The following GLE1 variants were observed in gnomAD, a reference collection of about 807,000 sequenced individuals.
GLE1 encodes GLE1 RNA export mediator.
Under a neutral mutation model 97.3 loss-of-function variants are expected in GLE1, and 78 were observed. The ratio of observed to expected loss-of-function variants is 0.80; its 90% confidence interval spans 0.67 to 0.97. GLE1 has a LOEUF of 0.97. Ranked by LOEUF, GLE1 falls within the 50% of genes least tolerant of loss-of-function variation. The pLI, the probability that GLE1 is intolerant of heterozygous loss-of-function variation, is 0.00. For synonymous variants in GLE1, 302 were observed against 313.4 expected, an observed-to-expected ratio of 0.96 and a Z score of 0.39; for missense variants, 753 against 857.5, an observed-to-expected ratio of 0.88 and a Z score of 1.52.
rs754433921 is a variant in GLE1 at position 128,527,202 on chromosome 9, A to G, written c.1153A>G (p.Ile385Val). 2.6e-5 allele frequency: 42 copies of G among 1,605,558 alleles called. No individual in the cohort carries two copies. The highest frequency in any genetic ancestry group is 3.6e-5 in the Non-Finnish European group (42 of 1,172,200). ...NEDLQVKVQDITMQWYQQLQD... is the reference protein window; with the variant it reads ...NEDLQVKVQDVTMQWYQQLQD... ...AGACCTCCAGGTGAAGGTACAAGAC[A>G]TTACAATGCAGTGGTACCAGCAGCT... The change falls in exon 8 of 16, where the codon ATT (isoleucine) becomes GTT (valine). Residue 385 changes from isoleucine to valine, a missense_variant. Ile to Val is a conservative substitution (Grantham distance 29). Transcript: ENST00000309971.
chr9:128,506,902 A>C (rs1846654936), intron 1 of GLE1, among the ~76,000 whole-genome samples: 1 of 152,150 alleles, frequency 6.6e-6, no homozygotes, highest in Non-Finnish European at 1.5e-5. Context: ...TGTTATTCTC[A>C]ATATGTTTAC....
rs558886131 is a variant in GLE1, at chr9:128,513,694, G to C, written c.322-1835G>C. Reference sequence around the variant, plus strand: ...ACTGTATGCCAGCACGGGTGATAGAGTAAGACCCTGTCTCAAAAAAAAAAA... The same window carrying C: ...ACTGTATGCCAGCACGGGTGATAGACTAAGACCCTGTCTCAAAAAAAAAAA... On this transcript the variant is annotated intron_variant, in intron 2 of 15. Coordinates refer to ENST00000309971, the MANE Select transcript of GLE1 (RefSeq NM_001003722.2). 1.3e-4 allele frequency among the ~76,000 whole-genome samples: 19 copies of C among 149,330 alleles called. 1 individual carries two copies. The highest frequency in any genetic ancestry group is 2.4e-4 in the Non-Finnish European group (16 of 67,472).
rs777075541 is a variant in GLE1 at position 128,533,810 on chromosome 9, T to C, written c.1505T>C (p.Ile502Thr). ...TCTCACCATGAAGCAGCATTCCCCATTGCAGTTGTGGCATCCGGGATCTGG... is the reference window on the plus strand; with the variant it reads ...TCTCACCATGAAGCAGCATTCCCCACTGCAGTTGTGGCATCCGGGATCTGG... ...VASHHEAAFP[I>T]AVVASGIWEL... The change falls in exon 11 of 16, where the codon ATT becomes ACT. Residue 502 changes from isoleucine to threonine, a missense_variant. Physicochemically the swap from Ile to Thr is moderately conservative, Grantham distance 89. Transcript: ENST00000309971. 1 of 1,614,130 alleles carries C rather than the reference T, an allele frequency of 6.2e-7. No individual in the cohort carries two copies. Among genetic ancestry groups the C allele is most frequent in the South Asian group, 1.1e-5 (1 of 91,082 alleles).
At chr9:128,515,815 G>T (rs925878250) in intron 3 of GLE1, among the ~76,000 whole-genome samples, 176 bp downstream of exon 3, 3 of 152,174 alleles carry the variant, frequency 2.0e-5, no homozygotes, top group Non-Finnish European at 2.9e-5. Flanking sequence ...TCTGGTTTCA[G>T]ATCCTGGCTG....
intron 9 of GLE1, among the ~76,000 whole-genome samples, chr9:128,532,354 T>A (rs1012274665): frequency 4.0e-5 from 6 of 150,684 alleles, no homozygotes; most frequent in African/African-American, 1.5e-4. Flanking sequence ...CCTCCCCGAG[T>A]AGCTGGGATT....
chr9:128,538,322 G>A (rs892978643), intron 13 of GLE1, among the ~76,000 whole-genome samples: 3 of 152,080 alleles, frequency 2.0e-5, no homozygotes, highest in African/African-American at 7.2e-5. Flanking sequence ...ACAGAAAATT[G>A]TACATTCTAG....
At chr9:128,526,503 T>G (rs1234835930) in intron 7 of GLE1, among the ~76,000 whole-genome samples, 1 of 152,038 alleles carries the variant, frequency 6.6e-6, no homozygotes, top group African/African-American at 2.4e-5. Context: ...ATTACAGGCA[T>G]GCACCACCAC....
intron 14 of GLE1, 88 bp from the exon 15 acceptor site, chr9:128,540,187 C>A: frequency 1.1e-6 from 1 of 933,934 alleles, no homozygotes; most frequent in Non-Finnish European, 1.8e-6. Flanking sequence ...CCGCGCTGCA[C>A]TCCAGCCTAG....
At chr9:128,529,360 C>T (rs1362284650) in intron 9 of GLE1, among the ~76,000 whole-genome samples, 1 of 152,154 alleles carries the variant, frequency 6.6e-6, no homozygotes, top group Non-Finnish European at 1.5e-5. Flanking sequence ...CTGGATGAGG[C>T]GTCCTTGCTG....
At chr9:128,515,903 G>A (rs1846972329) in intron 3 of GLE1, among the ~76,000 whole-genome samples, 1 of 151,304 alleles carries the variant, frequency 6.6e-6, no homozygotes, top group Admixed American at 6.6e-5. Flanking sequence ...TTTGGAAATG[G>A]TCTGGGATTG....
At chr9:128,507,887 C>CA (rs775086199) in intron 1 of GLE1, among the ~76,000 whole-genome samples, 9 of 129,660 alleles carry the variant, frequency 6.9e-5, no homozygotes, top group Admixed American at 1.6e-4. Flanking sequence ...GACTCCATCT[C>CA]AAAAAAAAGG....
chr9:128,526,266 C>T (rs368652939), intron 7 of GLE1, among the ~76,000 whole-genome samples: 3 of 151,976 alleles, frequency 2.0e-5, no homozygotes, highest in African/African-American at 4.8e-5. Flanking sequence ...ATGATCCACC[C>T]GCCTCGGCCT....
rs779658106 is a variant in GLE1, at chr9:128,533,862, C to T, written c.1557C>T (p.Leu519=). The change falls in exon 11 of 16, where the codon CTC becomes CTT. Residue 519 remains leucine (L), a synonymous_variant. Transcript: ENST00000309971. The stretch of plus-strand genomic sequence containing the variant: ...AGCTCCACCCCAGAGTGGGGGACCT[C>T]ATTCTTGCTCATCTACATAAGAAGT... ...IWELHPRVGD[L]ILAHLHKKCP... is the part of the protein sequence containing the mutation. The T allele has an allele frequency of 8.1e-6, 13 of 1,612,712 alleles. No homozygotes were observed. In the South Asian group the frequency reaches 1.3e-4, roughly 16 times the overall value.
intron 15 of GLE1, 85 bp downstream of exon 15, chr9:128,540,423 C>T (rs1847852583): frequency 2.4e-6 from 2 of 835,624 alleles, no homozygotes; most frequent in Admixed American, 1.7e-5. Context: ...CCTTCCGATG[C>T]TCTGATTGCA....
At chr9:128,522,598 C>T in intron 3 of GLE1, 70 bp from the exon 4 acceptor site, 1 of 1,491,238 alleles carries the variant, frequency 6.7e-7, no homozygotes, top group Non-Finnish European at 8.9e-7. Flanking sequence ...TTGCAGTGAG[C>T]TGCACTCCAG....
intron 1 of GLE1, 24 bp from the exon 2 acceptor site, chr9:128,508,852 G>A (rs766557201): frequency 3.8e-6 from 5 of 1,328,370 alleles, no homozygotes; most frequent in Non-Finnish European, 5.4e-6. Flanking sequence ...TGTAAGTTGA[G>A]CTTAACCCTA....
At chr9:128,512,848 G>A (rs568287841) in intron 2 of GLE1, among the ~76,000 whole-genome samples, 4 of 152,104 alleles carry the variant, frequency 2.6e-5, no homozygotes, top group Middle Eastern at 3.4e-3. Flanking sequence ...TCGTAGAGAC[G>A]GGGTTTCACC....
intron 7 of GLE1, among the ~76,000 whole-genome samples, chr9:128,526,658 G>GT (rs1017246291): frequency 1.3e-5 from 2 of 151,096 alleles, no homozygotes; most frequent in Non-Finnish European, 3.0e-5. Context: ...TGCGCCCAGC[G>GT]TTTTTTGTTT....
At chr9:128,525,818 C>T (rs865799223) in intron 7 of GLE1, among the ~76,000 whole-genome samples, 5 of 151,896 alleles carry the variant, frequency 3.3e-5, no homozygotes, top group Admixed American at 1.3e-4. Flanking sequence ...CCCAGCTACT[C>T]GGGAGGCTAA....
Sources: gnomAD v4.1 joint callset for allele counts (sites outside exome capture counted in the v4.1 genomes callset) on GRCh38, gnomAD v4.1.1 for gene constraint, MANE v1.5 for transcripts, NCBI Gene and HGNC (gene_info 2026-07-23, HGNC 2026-07-21) for gene names.